PDCD6: variants seen among roughly 807,000 people sequenced by gnomAD.
PDCD6 encodes the protein programmed cell death protein 6.
In PDCD6, 12 loss-of-function variants were observed where a neutral mutation model predicts 28.3. The observed-to-expected ratio is 0.42, with a 90% confidence interval of 0.27 to 0.69. The LOEUF (loss-of-function observed/expected upper bound fraction) is 0.69. PDCD6 is among the 30% of genes least tolerant of loss of function. The pLI is 0.22. For missense variants in PDCD6, 226 were observed against 269.9 expected (o/e 0.84, Z 1.14); for synonymous variants, 92 against 108.0 (o/e 0.85, Z 0.92).
At chr5:282,024 G>A (rs1285046342) in intron 2 of PDCD6, among the ~76,000 whole-genome samples, 1 of 150,194 alleles carries the variant, frequency 6.7e-6, no homozygotes, top group African/African-American at 2.5e-5. Context: ...TGAGGGCCCT[G>A]CAGCTGGAGA....
At chr5:289,204 C>T in intron 2 of PDCD6, 1 of 730,848 alleles carries the variant, frequency 1.4e-6, no homozygotes, top group East Asian at 2.7e-5. Flanking sequence ...TTCAGAATAC[C>T]TCCACAGTTA....
chr5:282,637 G>A (rs184307009), intron 2 of PDCD6, among the ~76,000 whole-genome samples: 104 of 139,122 alleles, frequency 7.5e-4, no homozygotes, highest in African/African-American at 2.9e-3. Context: ...ATTGAGGGTC[G>A]CACAGCTGAA....
At chr5:274,067 C>T (rs1156441189) in intron 2 of PDCD6, among the ~76,000 whole-genome samples, 3 of 152,024 alleles carry the variant, frequency 2.0e-5, no homozygotes, top group Admixed American at 6.6e-5. Context: ...TTAAAACTTC[C>T]TAAATGTTGA....
At chr5:276,462 T>C in intron 2 of PDCD6, 1 of 986,258 alleles carries the variant, frequency 1.0e-6, no homozygotes, top group Non-Finnish European at 1.2e-6. Flanking sequence ...TCTCTGAATT[T>C]CTTTATTTTA....
intron 2 of PDCD6, among the ~76,000 whole-genome samples, chr5:280,931 A>T (rs1738525365): frequency 6.6e-6 from 1 of 152,252 alleles, no homozygotes; most frequent in South Asian, 2.1e-4. Context: ...ATGTTAAAAG[A>T]TTTTAAGGAG....
intron 2 of PDCD6, among the ~76,000 whole-genome samples, chr5:275,542 A>G (rs1579474879): frequency 6.6e-6 from 1 of 152,240 alleles, no homozygotes; most frequent in African/African-American, 2.4e-5. Context: ...ACCAGTAATG[A>G]GAGTTTAGAG....
At chr5:287,877 T>C (rs915413095) in intron 2 of PDCD6, among the ~76,000 whole-genome samples, 3 of 152,212 alleles carry the variant, frequency 2.0e-5, no homozygotes, top group African/African-American at 7.2e-5. Context: ...ATATTCGCAA[T>C]GTTCAGAAAA....
At chr5:296,905 G>A (rs1388517983) in intron 2 of PDCD6, among the ~76,000 whole-genome samples, 1 of 151,916 alleles carries the variant, frequency 6.6e-6, no homozygotes, top group East Asian at 1.9e-4. Context: ...CCCAGCCCGG[G>A]AGCCACCACC....
intron 2 of PDCD6, among the ~76,000 whole-genome samples, chr5:285,300 C>T (rs995097905): frequency 2.0e-5 from 3 of 151,468 alleles, no homozygotes; most frequent in Non-Finnish European, 4.4e-5. Flanking sequence ...ACTGATGCTG[C>T]AGTTTGAGGG....
At chr5:277,357 G>A (rs1210217462) in intron 2 of PDCD6, among the ~76,000 whole-genome samples, 83 of 142,124 alleles carry the variant, frequency 5.8e-4, no homozygotes, top group African/African-American at 2.0e-3. Context: ...GCTGGAGTGC[G>A]GTGGCACTAT....
intron 3 of PDCD6, 87 bp downstream of exon 3, chr5:304,308 G>A (rs1316280465): frequency 1.2e-5 from 11 of 921,634 alleles, no homozygotes; most frequent in South Asian, 3.3e-5. Context: ...CTGTGGGTCC[G>A]TATCACTTTG....
intron 2 of PDCD6, chr5:289,721 C>T (rs1739200806): frequency 1.2e-6 from 1 of 862,036 alleles, no homozygotes; most frequent in African/African-American, 1.7e-5. Flanking sequence ...TGCAAATTTA[C>T]CTCTTTGCTG....
intron 2 of PDCD6, among the ~76,000 whole-genome samples, chr5:300,747 G>A (rs568084256): frequency 5.9e-4 from 90 of 152,356 alleles, no homozygotes; most frequent in African/African-American, 2.1e-3. Flanking sequence ...TGGTTGGCAA[G>A]GAAGGCGAGT....
At chr5:311,136 C>T (rs1740887487) in intron 4 of PDCD6, 157 bp from the exon 5 acceptor site, 1 of 663,414 alleles carries the variant, frequency 1.5e-6, no homozygotes. Context: ...GGAAGTGTCT[C>T]AGTTCTGAGT....
At chr5:298,221 G>A (rs555285167) in intron 2 of PDCD6, among the ~76,000 whole-genome samples, 1 of 152,200 alleles carries the variant, frequency 6.6e-6, no homozygotes, top group Non-Finnish European at 1.5e-5. Context: ...TGCCTCATGG[G>A]GTCTCTGAGG....
rs565822718 is a variant in PDCD6, at chr5:307,902, G to T, written c.367+1142G>T. On this transcript the variant is annotated intron_variant, in intron 4 of 5. Transcript: ENST00000264933. This position sits in a 1 kb window ranked among gnomAD's most constrained non-coding sequence, Gnocchi z 6.1. ...GGGGGTGGACACTGGGTCTCCTCAA[G>T]AAGCAGTTCTGAGCTGACCAGCTGC... Among the ~76,000 whole-genome samples the T allele has an allele frequency of 6.6e-6, 1 of 152,314 alleles. No homozygotes were observed. The highest frequency in any genetic ancestry group is 1.5e-5 in the Non-Finnish European group (1 of 68,032).
intron 2 of PDCD6, among the ~76,000 whole-genome samples, chr5:280,959 T>C (rs2126695228): frequency 6.6e-6 from 1 of 152,382 alleles, no homozygotes; most frequent in Non-Finnish European, 1.5e-5. Flanking sequence ...ACAGTTGGGA[T>C]TAATGTGTAT....
At chr5:274,287 C>T (rs905058876) in intron 2 of PDCD6, among the ~76,000 whole-genome samples, 33 of 152,340 alleles carry the variant, frequency 2.2e-4, no homozygotes, top group African/African-American at 7.2e-4. Flanking sequence ...TATGCATTTG[C>T]TCTAATTTTT....
In PDCD6 at chr5:311,421, G is replaced by T. The variant is rs371761537; in HGVS notation, c.477+19G>T. On this transcript the variant is annotated intron_variant, in intron 5 of 5. Transcript: ENST00000264933. ...CCTGCAGGTGACGGAATGGCTTCAC[G>T]TGGGTTTGTGGTGGTGGTGGGAGGG... is the stretch of plus-strand genomic sequence containing the variant. 6.4e-7 allele frequency: 1 copy of T among 1,558,882 alleles called. No homozygotes were observed. Among genetic ancestry groups the T allele is most frequent in the East Asian group, 2.2e-5 (1 of 44,640 alleles).
Sources: allele counts gnomAD v4.1 joint callset (sites outside exome capture counted in the v4.1 genomes callset), GRCh38; gene constraint gnomAD v4.1.1; non-coding constraint Gnocchi (gnomAD v3.1); transcripts MANE v1.5; gene names NCBI Gene and HGNC (gene_info 2026-07-23, HGNC 2026-07-21).